DPP10: variants seen among roughly 807,000 people sequenced by gnomAD.
DPP10 encodes inactive dipeptidyl peptidase 10.
A neutral mutation model predicts 120.9 loss-of-function variants in DPP10; 33 were observed. The observed-to-expected ratio is 0.27, with a 90% CI of 0.21 to 0.37. The LOEUF (loss-of-function observed/expected upper bound fraction) is 0.37, where lower values mean the gene tolerates loss of function less well. Among genes scored for constraint, DPP10 ranks in the 10% least tolerant of loss-of-function variants. The pLI is 1.00. For missense variants in DPP10, 816 were observed against 942.8 expected (o/e 0.87, Z 1.76); for synonymous variants, 337 against 326.1 (o/e 1.03, Z -0.36).
intron 1 of DPP10, among the ~76,000 whole-genome samples, chr2:114,583,945 T>A (rs2105105110): frequency 6.6e-6 from 1 of 152,304 alleles, no homozygotes; most frequent in East Asian, 1.9e-4. Flanking sequence ...TATAAAATAT[T>A]TTTGAAGCAA....
intron 1 of DPP10, among the ~76,000 whole-genome samples, chr2:114,687,896 G>T (rs1218521442): frequency 1.3e-5 from 2 of 151,906 alleles, no homozygotes; most frequent in Non-Finnish European, 2.9e-5. Context: ...TTCCTTTCTT[G>T]TCTGTTATTC....
At chr2:114,458,117 T>C (rs1212552288) in intron 1 of DPP10, among the ~76,000 whole-genome samples, 1 of 150,412 alleles carries the variant, frequency 6.6e-6, no homozygotes, top group African/African-American at 2.5e-5. Flanking sequence ...CTGGTCTCTT[T>C]CCAGAACAGT....
At chr2:114,772,731 G>A (rs1200022903) in intron 1 of DPP10, among the ~76,000 whole-genome samples, 1 of 151,382 alleles carries the variant, frequency 6.6e-6, no homozygotes, top group Non-Finnish European at 1.5e-5. Context: ...GGTCAACAGA[G>A]CCTTAGGACC....
chr2:115,379,648 G>T (rs1020557244), intron 3 of DPP10, among the ~76,000 whole-genome samples: 3 of 151,958 alleles, frequency 2.0e-5, no homozygotes, highest in East Asian at 3.9e-4. Flanking sequence ...TGATGTCAGG[G>T]TGTCAATTTT....
At chr2:115,127,645 G>T (rs1390127743) in intron 1 of DPP10, among the ~76,000 whole-genome samples, 1 of 152,188 alleles carries the variant, frequency 6.6e-6, no homozygotes, top group Non-Finnish European at 1.5e-5. Flanking sequence ...TTTCTTTGTG[G>T]AAACAAGGGA....
At chr2:114,957,000 A>AG (rs1553460997) in intron 1 of DPP10, among the ~76,000 whole-genome samples, 4 of 151,488 alleles carry the variant, frequency 2.6e-5, no homozygotes, top group African/African-American at 9.7e-5. Context: ...AAAAAAAAAA[A>AG]AGAGAAAACT....
At chr2:114,701,389 G>T (rs1032867040) in intron 1 of DPP10, among the ~76,000 whole-genome samples, 1 of 152,202 alleles carries the variant, frequency 6.6e-6, no homozygotes, top group African/African-American at 2.4e-5. Flanking sequence ...GATGAGGCAG[G>T]ATTTGAATTC....
At chr2:114,677,100 G>T (rs930810363) in intron 1 of DPP10, among the ~76,000 whole-genome samples, 1 of 151,970 alleles carries the variant, frequency 6.6e-6, no homozygotes, top group Non-Finnish European at 1.5e-5. Flanking sequence ...TATCCTCCCC[G>T]GCTCATCAGC....
chr2:114,445,273 C>A (rs1239481628), intron 1 of DPP10, among the ~76,000 whole-genome samples: 4 of 152,090 alleles, frequency 2.6e-5, no homozygotes, highest in Non-Finnish European at 5.9e-5. Flanking sequence ...GTAATGATAA[C>A]CCACTTTGAG....
intron 1 of DPP10, among the ~76,000 whole-genome samples, chr2:115,249,115 A>T (rs995501144): frequency 2.6e-5 from 4 of 152,086 alleles, no homozygotes; most frequent in Admixed American, 2.6e-4. Context: ...TTTTTCAGAG[A>T]ATAGATAGCT....
In DPP10 at chr2:115,450,164, C is replaced by T. The variant is rs188091149; in HGVS notation, c.272-49346C>T. Among the ~76,000 whole-genome samples the T allele has an allele frequency of 2.0e-5, 3 of 152,080 alleles. No individual in the cohort carries two copies. The East Asian group carries it at 5.8e-4, about 29-fold the overall frequency. On this transcript the variant is annotated intron_variant, in intron 3 of 25. Coordinates refer to ENST00000410059, the MANE Select transcript of DPP10 (RefSeq NM_020868.6). ...ACTCCCAACCTACCAAACATTATAG[C>T]TTAGTCTAGCCTGTCTTCAGTGTGC... is the stretch of plus-strand genomic sequence containing the variant.
At chr2:114,859,238 A>C (rs552303819) in intron 1 of DPP10, among the ~76,000 whole-genome samples, 2 of 152,126 alleles carry the variant, frequency 1.3e-5, no homozygotes, top group African/African-American at 4.8e-5. Flanking sequence ...GTGGTGGCAC[A>C]TGCCTGTAAT....
At chr2:115,633,504 A>C (rs867670829) in intron 5 of DPP10, among the ~76,000 whole-genome samples, 3 of 152,136 alleles carry the variant, frequency 2.0e-5, no homozygotes, top group African/African-American at 7.2e-5. Context: ...TGGGTGCAGC[A>C]CACCAACATG....
intron 24 of DPP10, among the ~76,000 whole-genome samples, chr2:115,838,755 A>G (rs765511436): frequency 1.3e-5 from 2 of 152,100 alleles, no homozygotes; most frequent in African/African-American, 2.4e-5. Context: ...GTCCCTGGAG[A>G]GGAAATGCAC....
chr2:115,452,294 T>C (rs1171876815), intron 3 of DPP10, among the ~76,000 whole-genome samples: 1 of 151,918 alleles, frequency 6.6e-6, no homozygotes, highest in African/African-American at 2.4e-5. Flanking sequence ...AGGTGTGACA[T>C]TAATTTGTGA....
chr2:114,797,556 C>T, intron 1 of DPP10, among the ~76,000 whole-genome samples: 1 of 152,100 alleles, frequency 6.6e-6, no homozygotes, highest in East Asian at 1.9e-4. Flanking sequence ...AATAGTATGG[C>T]AAAGGGGCAC....
chr2:114,777,488 TC>T (rs1166422839), intron 1 of DPP10, among the ~76,000 whole-genome samples: 4 of 150,914 alleles, frequency 2.7e-5, no homozygotes, highest in Non-Finnish European at 6.0e-5. Flanking sequence ...GTTGGCAACC[TC>T]CCTATTTCAG....
chr2:115,248,168 G>T (rs2058614206), intron 1 of DPP10, among the ~76,000 whole-genome samples: 1 of 152,148 alleles, frequency 6.6e-6, no homozygotes, highest in African/African-American at 2.4e-5. Context: ...TGTGTTTTCA[G>T]TGTCTGATGG....
chr2:115,328,616 G>A (rs1007352445), intron 2 of DPP10, among the ~76,000 whole-genome samples: 1 of 151,954 alleles, frequency 6.6e-6, no homozygotes, highest in Non-Finnish European at 1.5e-5. Context: ...TGTTTGTATG[G>A]GTTTTGTGTG....
Sources: gnomAD v4.1 joint callset for allele counts (sites outside exome capture counted in the v4.1 genomes callset) on GRCh38, gnomAD v4.1.1 for gene constraint, MANE v1.5 for transcripts, NCBI Gene and HGNC (gene_info 2026-07-23, HGNC 2026-07-21) for gene names.